The following NUP155 variants were observed in gnomAD, a reference collection of about 807,000 sequenced individuals.
NUP155 encodes the protein nucleoporin 155.
In NUP155, 71 loss-of-function variants were observed where a neutral mutation model predicts 180.4. That is an observed-to-expected ratio of 0.39 (90% CI 0.33 to 0.48). NUP155 has a LOEUF of 0.48. Ranked by LOEUF, NUP155 falls within the 20% of genes least tolerant of loss-of-function variation. The probability of loss-of-function intolerance (pLI) is 0.91; values close to 1 mark genes in which losing one functional copy is unlikely to be tolerated. For missense variants in NUP155, 1,553 were observed against 1,648.9 expected, an observed-to-expected ratio of 0.94 and a Z score of 1.01; for synonymous variants, 582 against 559.5, an observed-to-expected ratio of 1.04 and a Z score of -0.57.
At chr5:37,338,627 G>A (rs1400844511) in intron 11 of NUP155, among the ~76,000 whole-genome samples, 1 of 152,042 alleles carries the variant, frequency 6.6e-6, no homozygotes, top group East Asian at 1.9e-4. Flanking sequence ...GGATGGTCTC[G>A]ATCTCCTGAC....
At chr5:37,348,376 C>T (rs1746240462) in intron 9 of NUP155, 129 bp downstream of exon 9, 1 of 711,290 alleles carries the variant, frequency 1.4e-6, no homozygotes, top group Admixed American at 2.1e-5. Flanking sequence ...TGTAGAGTGT[C>T]ATCTCTTCAA....
intron 25 of NUP155, among the ~76,000 whole-genome samples, chr5:37,305,498 C>T (rs931016954): frequency 1.3e-5 from 2 of 152,002 alleles, no homozygotes; most frequent in South Asian, 4.1e-4. Flanking sequence ...CCTGGCCAAC[C>T]TGGTGAAACC....
chr5:37,353,452 C>A (rs1212262378), intron 4 of NUP155, among the ~76,000 whole-genome samples: 1 of 151,760 alleles, frequency 6.6e-6, no homozygotes, highest in Non-Finnish European at 1.5e-5. Flanking sequence ...TGTGGTGGCA[C>A]GTGCCTGTAG....
intron 20 of NUP155, among the ~76,000 whole-genome samples, chr5:37,318,644 G>A (rs543697686): frequency 5.9e-5 from 9 of 152,144 alleles, no homozygotes; most frequent in African/African-American, 9.6e-5. Context: ...CAAAAAAAAC[G>A]TGAAAGCCAA....
At chr5:37,316,570 T>G (rs1743899031) in intron 21 of NUP155, among the ~76,000 whole-genome samples, 1 of 152,134 alleles carries the variant, frequency 6.6e-6, no homozygotes, top group Non-Finnish European at 1.5e-5. Flanking sequence ...GTTCAAGTGA[T>G]TCTCTTGCCT....
chr5:37,368,137 A>T (rs1011325555), intron 1 of NUP155, among the ~76,000 whole-genome samples: 1 of 150,240 alleles, frequency 6.7e-6, no homozygotes, highest in Admixed American at 6.7e-5. Flanking sequence ...TCTCAAACTC[A>T]AGCTCAAGTG....
chr5:37,345,026 T>C (rs1745985499), intron 9 of NUP155, among the ~76,000 whole-genome samples: 2 of 149,456 alleles, frequency 1.3e-5, no homozygotes, highest in South Asian at 2.1e-4. Context: ...CTACAAAAAA[T>C]ACAAAAATTA....
chr5:37,309,170 T>C lies in NUP155; in HGVS notation c.2726A>G (p.Asn909Ser). 8.7e-6 allele frequency: 14 copies of C among 1,613,720 alleles called. No individual in the cohort carries two copies. Among genetic ancestry groups the C allele is most frequent in the Non-Finnish European group, 1.2e-5 (14 of 1,179,794 alleles). ...ESLKEYQKISNQVDLSNVCAQ... is the reference protein window; with the variant it reads ...ESLKEYQKISSQVDLSNVCAQ... The stretch of plus-strand genomic sequence containing the variant: ...ACAAACATTGGAAAGGTCCACTTGA[T>C]TGCTAATTTTTTGATATTCCTTTAA... The change falls in exon 24 of 35, where the codon AAT becomes AGT. Residue 909 changes from asparagine (N) to serine (S), a missense_variant. Coordinates refer to ENST00000231498, the MANE Select transcript of NUP155 (RefSeq NM_153485.3).
chr5:37,336,621 C>T (rs538269990), intron 12 of NUP155, among the ~76,000 whole-genome samples: 99 of 152,224 alleles, frequency 6.5e-4, no homozygotes, highest in Middle Eastern at 3.4e-3. Flanking sequence ...TCCCCCAACA[C>T]AGCATCCCAA....
intron 30 of NUP155, among the ~76,000 whole-genome samples, chr5:37,300,803 ACAC>A (rs1458008192): frequency 6.0e-5 from 9 of 149,454 alleles, no homozygotes; most frequent in Non-Finnish European, 1.3e-4. Context: ...CTACAACCAC[ACAC>A]CACCACACCT....
intron 3 of NUP155, among the ~76,000 whole-genome samples, chr5:37,359,858 G>A (rs1380635584): frequency 2.0e-5 from 3 of 152,184 alleles, no homozygotes; most frequent in Non-Finnish European, 2.9e-5. Flanking sequence ...TTGACTATAT[G>A]TACAAATAGG....
intron 25 of NUP155, among the ~76,000 whole-genome samples, chr5:37,306,960 G>A (rs1308838529): frequency 6.6e-6 from 1 of 151,874 alleles, no homozygotes; most frequent in African/African-American, 2.4e-5. Flanking sequence ...CACTTTGCAA[G>A]ACTGAGGTGG....
At chr5:37,352,878 T>C in intron 4 of NUP155, 49 bp from the exon 5 acceptor site, 2 of 1,275,406 alleles carry the variant, frequency 1.6e-6, no homozygotes. Flanking sequence ...ATTTAAGCAC[T>C]AACAGAGTAA....
chr5:37,354,073 C>G (rs1250365199), intron 4 of NUP155, among the ~76,000 whole-genome samples: 1 of 152,112 alleles, frequency 6.6e-6, no homozygotes, highest in Non-Finnish European at 1.5e-5. Context: ...AGATTACAAC[C>G]TTGATAATAG....
At chr5:37,315,204 C>G (rs1743806005) in intron 21 of NUP155, among the ~76,000 whole-genome samples, 1 of 152,116 alleles carries the variant, frequency 6.6e-6, no homozygotes, top group African/African-American at 2.4e-5. Flanking sequence ...TGCACTCCAG[C>G]CTCGGCGAAA....
At chr5:37,319,139 T>A (rs954064765) in intron 20 of NUP155, among the ~76,000 whole-genome samples, 2 of 152,150 alleles carry the variant, frequency 1.3e-5, no homozygotes, top group African/African-American at 4.8e-5. Context: ...ATGTCAAGAA[T>A]AGGCACATCT....
chr5:37,292,640 T>A (rs957119993), intron 34 of NUP155, among the ~76,000 whole-genome samples: 1 of 152,140 alleles, frequency 6.6e-6, no homozygotes, highest in Non-Finnish European at 1.5e-5. Flanking sequence ...TGGTCCTAGA[T>A]CACTAATCTA....
At chr5:37,295,317 G>A (rs946370139) in intron 32 of NUP155, among the ~76,000 whole-genome samples, 5 of 152,184 alleles carry the variant, frequency 3.3e-5, no homozygotes, top group Non-Finnish European at 5.9e-5. Flanking sequence ...CAGAGGTGCC[G>A]GGATTGCAGA....
rs1432244862 is a variant in NUP155 at position 37,293,776 on chromosome 5, G to A, written c.3930+553C>T. 5.2e-5 allele frequency among the ~76,000 whole-genome samples: 4 copies of A among 77,498 alleles called. No individual in the cohort carries two copies. The East Asian group carries it at 7.6e-4, about 15-fold the overall frequency. The allele number at this position is 77,498 out of a possible 152,430, so 50.8% of individuals were successfully genotyped here. ...GCACTTTGGGAGGCCGAGGCGGGTG[G>A]ATCATGAGGTCAGGAGATCGAGACC... On this transcript the variant is annotated intron_variant, in intron 33 of 34. Transcript: ENST00000231498.
Sources: gnomAD v4.1 joint callset for allele counts (sites outside exome capture counted in the v4.1 genomes callset) on GRCh38, gnomAD v4.1.1 for gene constraint, MANE v1.5 for transcripts, NCBI Gene and HGNC (gene_info 2026-07-23, HGNC 2026-07-21) for gene names.